Variants in GRIP1 observed in about 807,000 individuals in gnomAD.
GRIP1 encodes the protein glutamate receptor interacting protein 1.
GRIP1 carries 45 observed loss-of-function variants against 129.9 expected under a neutral mutation model. The ratio of observed to expected loss-of-function variants is 0.35; its 90% confidence interval spans 0.27 to 0.44. The LOEUF is 0.44. Among genes scored for constraint, GRIP1 ranks in the 20% least tolerant of loss-of-function variants. GRIP1 has a pLI of 1.00. For missense variants in GRIP1, 1,196 were observed against 1,396.8 expected (o/e 0.86, Z 2.29); for synonymous variants, 530 against 520.8 (o/e 1.02, Z -0.24).
At chr12:66,743,885 G>A (rs1193119186) in intron 1 of GRIP1, among the ~76,000 whole-genome samples, 2 of 152,142 alleles carry the variant, frequency 1.3e-5, no homozygotes, top group East Asian at 1.9e-4. Flanking sequence ...TCAAGTGAAA[G>A]GAGGCAATTT....
chr12:66,719,854 T>G (rs1218117637), intron 1 of GRIP1, among the ~76,000 whole-genome samples: 1 of 152,180 alleles, frequency 6.6e-6, no homozygotes, highest in Non-Finnish European at 1.5e-5. Flanking sequence ...GAGGAAACCT[T>G]GGGGTCATTC....
At chr12:66,575,923 A>C (rs996596448) in intron 2 of GRIP1, among the ~76,000 whole-genome samples, 3 of 152,224 alleles carry the variant, frequency 2.0e-5, no homozygotes, top group South Asian at 2.1e-4. Flanking sequence ...AGAATGCCCT[A>C]GCTGTTTAGA....
chr12:66,451,383 G>GGTT (rs1565751885), intron 11 of GRIP1, among the ~76,000 whole-genome samples: 1 of 42,650 alleles, frequency 2.3e-5, no homozygotes, highest in African/African-American at 1.1e-4. Context: ...ATTATAATCT[G>GGTT]TTTTTTTTTT....
At chr12:66,491,580 A>G (rs147544776) in intron 7 of GRIP1, among the ~76,000 whole-genome samples, 5,247 of 152,260 alleles carry the variant, frequency 0.034, 150 homozygotes, top group Non-Finnish European at 0.053. Flanking sequence ...ACATTTACCT[A>G]TGTAACAAAT....
At chr12:67,007,738 T>C (rs978758086) in intron 1 of GRIP1, among the ~76,000 whole-genome samples, 9 of 152,246 alleles carry the variant, frequency 5.9e-5, no homozygotes, top group African/African-American at 2.2e-4. Flanking sequence ...ATGGTCATGG[T>C]GTGACAGCAG....
intron 1 of GRIP1, among the ~76,000 whole-genome samples, chr12:66,615,809 T>C (rs1331285659): frequency 6.6e-6 from 1 of 152,006 alleles, no homozygotes; most frequent in Non-Finnish European, 1.5e-5. Flanking sequence ...CATGCCCAGC[T>C]AATTTTTGTA....
chr12:66,690,511 C>T (rs986371118), intron 1 of GRIP1, among the ~76,000 whole-genome samples: 7 of 151,356 alleles, frequency 4.6e-5, no homozygotes, highest in African/African-American at 1.7e-4. Flanking sequence ...TTCAAGATGC[C>T]GATTTCATTT....
At chr12:66,381,035 G>A (rs17102436) in intron 19 of GRIP1, among the ~76,000 whole-genome samples, 5,539 of 151,978 alleles carry the variant, frequency 0.036, 282 homozygotes, top group African/African-American at 0.11. Flanking sequence ...ACCTGTTGTC[G>A]AAGCCTCTAA....
chr12:66,404,643 T>C (rs1409312734), intron 16 of GRIP1, among the ~76,000 whole-genome samples: 1 of 152,206 alleles, frequency 6.6e-6, no homozygotes, highest in African/African-American at 2.4e-5. Flanking sequence ...AACTATGTAA[T>C]TTAATTAATC....
chr12:66,461,115 CA>C lies in GRIP1; in HGVS notation c.1042+1808del, dbSNP rs1297716365. On this transcript the variant is annotated intron_variant, in intron 9 of 24. Transcript: ENST00000359742. ...AAAGGCAAAAAATTTGTGCTTAGTC[CA>C]TATATTTTAGTGTATAAATTAAACT... is the stretch of plus-strand genomic sequence containing the variant. Among the ~76,000 whole-genome samples the C allele has an allele frequency of 1.3e-4, 20 of 152,190 alleles. No homozygotes were observed. In the East Asian group the frequency reaches 2.9e-3, roughly 22 times the overall value.
intron 1 of GRIP1, among the ~76,000 whole-genome samples, chr12:67,045,075 T>G (rs1193262982): frequency 6.6e-6 from 1 of 152,228 alleles, no homozygotes; most frequent in African/African-American, 2.4e-5. Flanking sequence ...CCAGAGTGTA[T>G]GCGCTCAACA....
At chr12:66,355,235 T>C (rs1335600133) in intron 23 of GRIP1, among the ~76,000 whole-genome samples, 1 of 152,094 alleles carries the variant, frequency 6.6e-6, no homozygotes, top group Non-Finnish European at 1.5e-5. Context: ...TGTGTGTGTG[T>C]GCACACACAC....
chr12:66,607,246 A>G (rs567660009), intron 1 of GRIP1, among the ~76,000 whole-genome samples: 12 of 152,346 alleles, frequency 7.9e-5, no homozygotes, highest in African/African-American at 2.6e-4. Flanking sequence ...AATTTATGAT[A>G]TAAGATGCAA....
chr12:67,007,070 C>T (rs2042637411), intron 1 of GRIP1, among the ~76,000 whole-genome samples: 1 of 152,122 alleles, frequency 6.6e-6, no homozygotes, highest in African/African-American at 2.4e-5. Context: ...ACCATCAAAT[C>T]CCACTCTATT....
Position 66,348,813 on chromosome 12 carries a change from A to G in GRIP1, c.*206T>C, listed in dbSNP as rs1445059195. ...TGGGACTGGCAGGGCATTGCCCACC[A>G]TATACCATAGTGGTCACCAAAAAAG... On this transcript the variant is annotated 3_prime_UTR_variant, in exon 25 of 25. Coordinates refer to ENST00000359742, the MANE Select transcript of GRIP1 (RefSeq NM_001366722.1). 5 of 603,658 alleles carry G rather than the reference A, an allele frequency of 8.3e-6. No individual in the cohort carries two copies. The highest frequency in any genetic ancestry group is 4.5e-4 in the Middle Eastern group (1 of 2,222). The allele number at this position is 603,658 out of a possible 1,614,324, so 37.4% of individuals were successfully genotyped here. A position where few individuals can be genotyped will look rare whatever the true frequency, so the allele number is the denominator to read the frequency against.
At chr12:66,984,211 C>T (rs1410879284) in intron 1 of GRIP1, among the ~76,000 whole-genome samples, 3 of 152,144 alleles carry the variant, frequency 2.0e-5, no homozygotes, top group African/African-American at 4.8e-5. Context: ...CCAGCAACTG[C>T]AAAAGCACAG....
At chr12:66,913,202 C>A (rs1566076134) in intron 1 of GRIP1, among the ~76,000 whole-genome samples, 1 of 152,300 alleles carries the variant, frequency 6.6e-6, no homozygotes, top group South Asian at 2.1e-4. Context: ...CCATGTATTT[C>A]TTTACTCCAA....
intron 15 of GRIP1, among the ~76,000 whole-genome samples, chr12:66,419,926 C>T (rs10878418): frequency 0.5 from 76,474 of 151,628 alleles, 21,380 homozygotes; most frequent in Non-Finnish European, 0.63. Flanking sequence ...CAAAACCCCG[C>T]CTCTAGTAAA....
At chr12:66,842,116 A>G (rs2039729564) in intron 1 of GRIP1, among the ~76,000 whole-genome samples, 1 of 152,112 alleles carries the variant, frequency 6.6e-6, no homozygotes, top group Non-Finnish European at 1.5e-5. Context: ...TCTAAAAACT[A>G]AAAGTATATG....
Sources: gnomAD v4.1 joint callset for allele counts (sites outside exome capture counted in the v4.1 genomes callset) on GRCh38, gnomAD v4.1.1 for gene constraint, MANE v1.5 for transcripts, NCBI Gene and HGNC (gene_info 2026-07-23, HGNC 2026-07-21) for gene names.